The following PTPRJ variants were observed in gnomAD, a reference collection of about 807,000 sequenced individuals.
The protein encoded by PTPRJ is receptor-type tyrosine-protein phosphatase eta.
PTPRJ carries 129 observed loss-of-function variants against 141.3 expected under a neutral mutation model. The ratio of observed to expected loss-of-function variants is 0.91; its 90% CI spans 0.79 to 1.06. The LOEUF (loss-of-function observed/expected upper bound fraction) is 1.06. Ranked by LOEUF, PTPRJ falls within the 50% of genes least tolerant of loss-of-function variation. PTPRJ has a pLI of 0.00. For missense variants in PTPRJ, 1,601 were observed against 1,679.7 expected (o/e 0.95, Z 0.82); for synonymous variants, 610 against 640.5 (o/e 0.95, Z 0.72).
chr11:48,121,376 TAGAAG>T, intron 4 of PTPRJ, 110 bp downstream of exon 4: 3 of 1,223,384 alleles, frequency 2.5e-6, no homozygotes, highest in Non-Finnish European at 3.4e-6. Flanking sequence ...TTTCATAAAC[TAGAAG>T]AGGAGAAAAG....
At chr11:48,118,008 GAAAT>G (rs1446922101) in intron 3 of PTPRJ, among the ~76,000 whole-genome samples, 1 of 152,150 alleles carries the variant, frequency 6.6e-6, no homozygotes, top group Non-Finnish European at 1.5e-5. Flanking sequence ...GAATTATGAA[GAAAT>G]AGAAAATCTG....
intron 23 of PTPRJ, 93 bp downstream of exon 23, chr11:48,163,711 T>A: frequency 1.5e-6 from 2 of 1,359,430 alleles, no homozygotes; most frequent in East Asian, 4.9e-5. Context: ...GGGAATGTAA[T>A]AGGCATTTAT....
intron 10 of PTPRJ, 113 bp from the exon 11 acceptor site, chr11:48,139,373 T>G: frequency 8.5e-7 from 1 of 1,181,414 alleles, no homozygotes; most frequent in Non-Finnish European, 1.2e-6. Flanking sequence ...CCCTGCCTCT[T>G]CCACCACATC....
intron 1 of PTPRJ, among the ~76,000 whole-genome samples, chr11:48,005,237 A>G (rs1041915457): frequency 6.6e-6 from 1 of 151,728 alleles, no homozygotes; most frequent in Non-Finnish European, 1.5e-5. Flanking sequence ...AAAAAAAAGC[A>G]TACAGTTCAG....
chr11:48,166,077 A>T (rs566872452), intron 24 of PTPRJ, among the ~76,000 whole-genome samples: 1 of 150,468 alleles, frequency 6.6e-6, no homozygotes, highest in South Asian at 2.1e-4. Context: ...GTTGGCCAGG[A>T]TGGTCTCGAT....
Position 48,158,559 on chromosome 11 carries a change from C to T in PTPRJ, c.3439-1371C>T, listed in dbSNP as rs994587683. ...GAATCAACTCCATGTCAGTGTGTAT[C>T]CAGATCCTGGGTTGTTTCTTTGGAA... On this transcript the variant is annotated intron_variant, in intron 21 of 24. Transcript: ENST00000418331. This position sits in a 1 kb window ranked among gnomAD's most constrained non-coding sequence, Gnocchi z 4.4. Among the ~76,000 whole-genome samples the T allele has an allele frequency of 1.3e-5, 2 of 152,142 alleles. No homozygotes were observed. The highest frequency in any genetic ancestry group is 2.9e-5 in the Non-Finnish European group (2 of 68,020).
chr11:48,065,426 T>C (rs1243554095), intron 1 of PTPRJ, among the ~76,000 whole-genome samples: 1 of 152,184 alleles, frequency 6.6e-6, no homozygotes, highest in African/African-American at 2.4e-5. Context: ...CTTCTTGTCT[T>C]CATTCCCCCA....
intron 8 of PTPRJ, among the ~76,000 whole-genome samples, chr11:48,134,903 C>T (rs1338331787): frequency 1.3e-5 from 2 of 152,172 alleles, no homozygotes; most frequent in African/African-American, 4.8e-5. Flanking sequence ...TCAAATGCTG[C>T]AACTTAGTAA....
intron 1 of PTPRJ, among the ~76,000 whole-genome samples, chr11:48,076,266 T>C (rs1256539648): frequency 1.3e-5 from 2 of 152,220 alleles, no homozygotes; most frequent in African/African-American, 2.4e-5. Flanking sequence ...CAAGCATTGG[T>C]GTCTTACCTC....
chr11:48,101,757 A>G (rs1372166759), intron 1 of PTPRJ, among the ~76,000 whole-genome samples: 1 of 152,202 alleles, frequency 6.6e-6, no homozygotes, highest in Non-Finnish European at 1.5e-5. Flanking sequence ...TCTAAGGTGG[A>G]CGAGCGGCGC....
intron 1 of PTPRJ, among the ~76,000 whole-genome samples, chr11:48,082,364 C>T (rs189762644): frequency 7.8e-4 from 118 of 151,950 alleles, no homozygotes; most frequent in African/African-American, 2.8e-3. Context: ...CTGCTTTAGC[C>T]TCCTGAGTAG....
At chr11:48,041,089 C>A (rs1405985272) in intron 1 of PTPRJ, among the ~76,000 whole-genome samples, 1 of 152,112 alleles carries the variant, frequency 6.6e-6, no homozygotes, top group Non-Finnish European at 1.5e-5. Context: ...CCAGTCCACC[C>A]TGAGTACATC....
intron 1 of PTPRJ, among the ~76,000 whole-genome samples, chr11:48,091,021 C>T (rs1180202589): frequency 6.6e-6 from 1 of 152,310 alleles, no homozygotes; most frequent in Middle Eastern, 3.4e-3. Context: ...CCGAAGACTT[C>T]AGATGAGGGC....
intron 1 of PTPRJ, among the ~76,000 whole-genome samples, chr11:48,068,279 A>G (rs557092456): frequency 6.6e-6 from 1 of 152,184 alleles, no homozygotes; most frequent in Non-Finnish European, 1.5e-5. Context: ...AGACATTGCT[A>G]TGGTTTGGCT....
At chr11:48,054,250 A>T (rs1369258808) in intron 1 of PTPRJ, among the ~76,000 whole-genome samples, 1 of 152,196 alleles carries the variant, frequency 6.6e-6, no homozygotes, top group Non-Finnish European at 1.5e-5. Flanking sequence ...CACAAAATAT[A>T]TATGGCCAAA....
intron 1 of PTPRJ, among the ~76,000 whole-genome samples, chr11:48,034,685 AC>A (rs1246664375): frequency 2.6e-5 from 4 of 152,200 alleles, no homozygotes; most frequent in Non-Finnish European, 5.9e-5. Context: ...GAAAACAGGC[AC>A]AGACAGTTAA....
At chr11:48,075,671 G>A (rs1256069836) in intron 1 of PTPRJ, among the ~76,000 whole-genome samples, 4 of 152,064 alleles carry the variant, frequency 2.6e-5, no homozygotes, top group African/African-American at 7.2e-5. Flanking sequence ...GGGCTTAAGC[G>A]ATCTTCCCAT....
intron 22 of PTPRJ, among the ~76,000 whole-genome samples, chr11:48,163,239 C>T (rs1857830602): frequency 6.6e-6 from 1 of 152,152 alleles, no homozygotes; most frequent in Admixed American, 6.5e-5. Flanking sequence ...TGAATCTCTG[C>T]TGCCTCATCT....
rs1856801892 is a variant in PTPRJ, at chr11:48,125,028, C to T, written c.935C>T (p.Ser312Phe). 1 of 1,613,988 alleles carries T rather than the reference C, an allele frequency of 6.2e-7. No homozygotes were observed. The highest frequency in any genetic ancestry group is 1.3e-5 in the African/African-American group (1 of 74,904). The change falls in exon 6 of 25, where the codon TCC becomes TTC. Residue 312 changes from serine to phenylalanine, a missense_variant. Ser to Phe is a radical substitution (Grantham distance 155). Coordinates refer to ENST00000418331, the MANE Select transcript of PTPRJ (RefSeq NM_002843.4). ...CCCACCGCCCCTGTGCATGATGAGTCCCTCGTGGGACCTGTGGACCCATCC... is the reference window on the plus strand; with the variant it reads ...CCCACCGCCCCTGTGCATGATGAGTTCCTCGTGGGACCTGTGGACCCATCC... ...GSPTAPVHDE[S>F]LVGPVDPSSG...
Sources: allele counts gnomAD v4.1 joint callset (sites outside exome capture counted in the v4.1 genomes callset), GRCh38; gene constraint gnomAD v4.1.1; non-coding constraint Gnocchi (gnomAD v3.1); transcripts MANE v1.5; gene names NCBI Gene and HGNC (gene_info 2026-07-23, HGNC 2026-07-21).